Variants in MACROD2 observed in about 807,000 individuals in gnomAD.
MACROD2 encodes the protein ADP-ribose glycohydrolase MACROD2.
A neutral mutation model predicts 70.4 loss-of-function variants in MACROD2; 36 were observed. That is an observed-to-expected ratio of 0.51 (90% CI 0.39 to 0.68). The LOEUF (loss-of-function observed/expected upper bound fraction) is 0.68, where lower values mean the gene tolerates loss of function less well. Ranked by LOEUF, MACROD2 falls within the 30% of genes least tolerant of loss-of-function variation. The pLI, the probability that MACROD2 is intolerant of heterozygous loss-of-function variation, is 0.00. For synonymous variants in MACROD2, 172 were observed against 178.8 expected (o/e 0.96, Z 0.30); for missense variants, 496 against 538.4 (o/e 0.92, Z 0.78).
intron 9 of MACROD2, among the ~76,000 whole-genome samples, chr20:15,865,441 C>G (rs1157337966): frequency 1.3e-5 from 2 of 152,052 alleles, no homozygotes; most frequent in Admixed American, 1.3e-4. Flanking sequence ...TTTCTATTAG[C>G]CAGCCACAGC....
intron 4 of MACROD2, among the ~76,000 whole-genome samples, chr20:14,617,612 T>G (rs1983557578): frequency 6.6e-6 from 1 of 152,158 alleles, no homozygotes; most frequent in African/African-American, 2.4e-5. Flanking sequence ...AGATGATTAT[T>G]CATCATTAGA....
intron 4 of MACROD2, among the ~76,000 whole-genome samples, chr20:14,565,743 A>G (rs546345691): frequency 6.1e-4 from 92 of 151,914 alleles, no homozygotes; most frequent in African/African-American, 2.1e-3. Flanking sequence ...ATTATTCTCC[A>G]TTTACTCTCC....
chr20:14,425,248 G>T (rs972694747), intron 3 of MACROD2, among the ~76,000 whole-genome samples: 2 of 151,876 alleles, frequency 1.3e-5, no homozygotes, highest in Admixed American at 1.3e-4. Context: ...TCATTTTTAG[G>T]CATTATCTAC....
intron 5 of MACROD2, among the ~76,000 whole-genome samples, chr20:14,864,732 G>A (rs1425675095): frequency 6.6e-6 from 1 of 151,976 alleles, no homozygotes; most frequent in Non-Finnish European, 1.5e-5. Flanking sequence ...GAAAGCAGTG[G>A]CTCTGAAGGT....
chr20:14,575,008 ACT>A (rs1980485939), intron 4 of MACROD2, among the ~76,000 whole-genome samples: 1 of 87,184 alleles, frequency 1.1e-5, no homozygotes, highest in South Asian at 4.8e-4. Flanking sequence ...ACAGAGCGAG[ACT>A]CTGTCTCAAA....
chr20:14,755,736 A>G lies in MACROD2; in HGVS notation c.418+70777A>G, dbSNP rs183458442. ...TTACCCTGGGTACTTTTCTATGTCT[A>G]TTTTCCTTTGGAGGAAAACATAGTT... On this transcript the variant is annotated intron_variant, in intron 5 of 17. Coordinates refer to ENST00000684519, the MANE Select transcript of MACROD2 (RefSeq NM_001351661.2). 3.1e-3 allele frequency among the ~76,000 whole-genome samples: 465 copies of G among 151,934 alleles called. 5 individuals carry two copies. Among genetic ancestry groups the G allele is most frequent in the Non-Finnish European group, 4.8e-3 (326 of 67,962 alleles).
At chr20:15,079,845 C>T (rs772536365) in intron 5 of MACROD2, among the ~76,000 whole-genome samples, 6 of 152,026 alleles carry the variant, frequency 3.9e-5, no homozygotes, top group Admixed American at 1.3e-4. Context: ...TTAAGCCAGT[C>T]CCTCATCACT....
chr20:15,187,157 G>A (rs1225147359), intron 5 of MACROD2, among the ~76,000 whole-genome samples: 1 of 152,170 alleles, frequency 6.6e-6, no homozygotes, highest in Non-Finnish European at 1.5e-5. Flanking sequence ...GGCTGCTTTG[G>A]AGTCCAGTGA....
At chr20:14,320,210 C>A (rs2082646354) in intron 3 of MACROD2, among the ~76,000 whole-genome samples, 1 of 152,136 alleles carries the variant, frequency 6.6e-6, no homozygotes, top group Non-Finnish European at 1.5e-5. Context: ...ATTCTACTTA[C>A]CTGTGCTGAA....
At chr20:15,154,775 T>C (rs918352674) in intron 5 of MACROD2, among the ~76,000 whole-genome samples, 1 of 152,174 alleles carries the variant, frequency 6.6e-6, no homozygotes, top group African/African-American at 2.4e-5. Context: ...TAATATCACA[T>C]TGGGGCTTAG....
intron 2 of MACROD2, among the ~76,000 whole-genome samples, chr20:14,037,184 T>G (rs2053323757): frequency 6.6e-6 from 1 of 152,168 alleles, no homozygotes; most frequent in African/African-American, 2.4e-5. Flanking sequence ...TTCTTTGTAT[T>G]GTTACACACT....
At chr20:15,852,638 G>T (rs897208854) in intron 8 of MACROD2, among the ~76,000 whole-genome samples, 1 of 152,114 alleles carries the variant, frequency 6.6e-6, no homozygotes, top group Non-Finnish European at 1.5e-5. Flanking sequence ...CTCAGAATAC[G>T]GACTCCTATG....
chr20:14,216,778 A>AG (rs1364663634), intron 3 of MACROD2, among the ~76,000 whole-genome samples: 2 of 151,854 alleles, frequency 1.3e-5, no homozygotes, highest in African/African-American at 4.8e-5. Context: ...CTATTGTAAA[A>AG]GGGGTTGAGT....
At chr20:15,517,355 G>T (rs1410572275) in intron 8 of MACROD2, among the ~76,000 whole-genome samples, 1 of 152,044 alleles carries the variant, frequency 6.6e-6, no homozygotes, top group Non-Finnish European at 1.5e-5. Context: ...TCTTCACAAA[G>T]ACCTTTTCCT....
At chr20:14,684,418 T>C (rs2123595134) in intron 4 of MACROD2, among the ~76,000 whole-genome samples, 1 of 152,264 alleles carries the variant, frequency 6.6e-6, no homozygotes, top group South Asian at 2.1e-4. Flanking sequence ...TGTGGTGTGT[T>C]AGAGGCAACA....
At chr20:15,082,321 T>C (rs893807158) in intron 5 of MACROD2, among the ~76,000 whole-genome samples, 1 of 152,070 alleles carries the variant, frequency 6.6e-6, no homozygotes, top group Non-Finnish European at 1.5e-5. Context: ...ACAAAAACTT[T>C]TATATGGTCA....
chr20:14,508,653 C>G (rs987745290), intron 4 of MACROD2, among the ~76,000 whole-genome samples: 2 of 152,136 alleles, frequency 1.3e-5, no homozygotes, highest in Non-Finnish European at 2.9e-5. Flanking sequence ...TACCTATGAA[C>G]AACGTGGACA....
At chr20:15,061,565 C>T (rs886663507) in intron 5 of MACROD2, among the ~76,000 whole-genome samples, 1 of 152,186 alleles carries the variant, frequency 6.6e-6, no homozygotes, top group Non-Finnish European at 1.5e-5. Flanking sequence ...TCCTAATAAA[C>T]CACTTGCATG....
At chr20:14,427,027 A>T (rs1360736443) in intron 3 of MACROD2, among the ~76,000 whole-genome samples, 1 of 152,034 alleles carries the variant, frequency 6.6e-6, no homozygotes, top group Non-Finnish European at 1.5e-5. Flanking sequence ...AGTACCCATA[A>T]CCACCAATTC....
Sources: allele counts gnomAD v4.1 joint callset (sites outside exome capture counted in the v4.1 genomes callset), GRCh38; gene constraint gnomAD v4.1.1; transcripts MANE v1.5; gene names NCBI Gene and HGNC (gene_info 2026-07-23, HGNC 2026-07-21).